The following GIGYF2 variants were observed in gnomAD, a reference collection of about 807,000 sequenced individuals.
The protein encoded by GIGYF2 is GRB10-interacting GYF protein 2.
Under a neutral mutation model 208.1 loss-of-function variants are expected in GIGYF2, and 25 were observed. The observed-to-expected ratio is 0.12, with a 90% CI of 0.09 to 0.17. The LOEUF (loss-of-function observed/expected upper bound fraction) is 0.17, where lower values mean the gene tolerates loss of function less well. GIGYF2 is among the 10% of genes least tolerant of loss of function. GIGYF2 has a pLI of 1.00. For synonymous variants in GIGYF2, 534 were observed against 543.8 expected, an observed-to-expected ratio of 0.98 and a Z score of 0.25; for missense variants, 1,302 against 1,579.4, an observed-to-expected ratio of 0.82 and a Z score of 2.98.
In GIGYF2 at chr2:232,749,641, T is replaced by A. The variant is rs551095794; in HGVS notation, c.267+559T>A. ...CAAAGAAAATAAAAGAGTTTCTGAT[T>A]TCAAGGAACTTATGATAACTGTAGA... On this transcript the variant is annotated intron_variant, in intron 5 of 28. Transcript: ENST00000373563. Among the ~76,000 whole-genome samples, 9 of 152,242 alleles carry A rather than the reference T, an allele frequency of 5.9e-5. No individual in the cohort carries two copies. In the South Asian group the frequency reaches 1.9e-3, roughly 32 times the overall value.
rs769160785 is a variant in GIGYF2 at position 232,771,263 on chromosome 2, C to T, written c.532+9827C>T. ...CGAAGATATGCAAGACCTCTTTGAG[C>T]GCCATCCATTTGAAGTGTGCTGTGG... is the stretch of plus-strand genomic sequence containing the variant. On this transcript the variant is annotated intron_variant, in intron 8 of 28. Transcript: ENST00000373563. The T allele has an allele frequency of 4.4e-6, 7 of 1,607,856 alleles. No homozygotes were observed. Among genetic ancestry groups the T allele is most frequent in the East Asian group, 4.5e-5 (2 of 44,776 alleles).
At chr2:232,716,107 T>C (rs981520547) in intron 2 of GIGYF2, among the ~76,000 whole-genome samples, 1 of 152,210 alleles carries the variant, frequency 6.6e-6, no homozygotes, top group African/African-American at 2.4e-5. Context: ...CAGATGTTAC[T>C]ATAGCTGTCT....
intron 12 of GIGYF2, among the ~76,000 whole-genome samples, chr2:232,791,816 A>G (rs1700077255): frequency 6.6e-6 from 1 of 152,226 alleles, no homozygotes; most frequent in East Asian, 1.9e-4. Context: ...TTAAATTACC[A>G]GATGACACAC....
chr2:232,753,980 A>G (rs1418267247), intron 5 of GIGYF2, among the ~76,000 whole-genome samples: 1 of 152,102 alleles, frequency 6.6e-6, no homozygotes, highest in Non-Finnish European at 1.5e-5. Flanking sequence ...CCTGGCCAAC[A>G]CTGTGAAACC....
intron 28 of GIGYF2, among the ~76,000 whole-genome samples, chr2:232,853,222 G>GA (rs1690427458): frequency 6.6e-6 from 1 of 152,160 alleles, no homozygotes; most frequent in Non-Finnish European, 1.5e-5. Flanking sequence ...CATAAAATGG[G>GA]AAAATGGGAA....
chr2:232,761,658 A>G lies in GIGYF2; in HGVS notation c.532+222A>G, dbSNP rs1428392577. The G allele has an allele frequency of 1.3e-5, 5 of 372,342 alleles. No individual in the cohort carries two copies. In the Admixed American group the frequency reaches 1.7e-4, roughly 13 times the overall value. The allele number at this position is 372,342 out of a possible 1,614,324, so 23.1% of individuals were successfully genotyped here. A position where few individuals can be genotyped will look rare whatever the true frequency, so the allele number is the denominator to read the frequency against. ...AGGCATATATTCTTTATTAAGGCCA[A>G]TTTGTGAACTGAAGACTCAAGTTAG... On this transcript the variant is annotated intron_variant, in intron 8 of 28. Coordinates refer to ENST00000373563, the MANE Select transcript of GIGYF2 (RefSeq NM_001103146.3).
intron 2 of GIGYF2, among the ~76,000 whole-genome samples, chr2:232,710,068 T>G (rs1696316664): frequency 6.6e-6 from 1 of 152,064 alleles, no homozygotes; most frequent in Non-Finnish European, 1.5e-5. Flanking sequence ...CATGCCATTC[T>G]TCTGCCTCAG....
chr2:232,854,990 A>G lies in GIGYF2; in HGVS notation c.3833-1803A>G, dbSNP rs1424362349. ...TAAAGAGGCATTGTTCATCATTTTT[A>G]TCAACCTCCAATTATAGAAGTTTTG... On this transcript the variant is annotated intron_variant, in intron 28 of 28. Coordinates refer to ENST00000373563, the MANE Select transcript of GIGYF2 (RefSeq NM_001103146.3). 2.0e-5 allele frequency among the ~76,000 whole-genome samples: 3 copies of G among 151,916 alleles called. No homozygotes were observed. In the East Asian group the frequency reaches 5.8e-4, roughly 29 times the overall value.
intron 28 of GIGYF2, among the ~76,000 whole-genome samples, chr2:232,855,080 CTTTTTTT>C (rs201395041): frequency 8.2e-5 from 9 of 109,184 alleles, no homozygotes; most frequent in East Asian, 5.4e-4. Flanking sequence ...CTTTTTCTTT[CTTTTTTT>C]TTTTTTTTTT....
chr2:232,697,550 G>T (rs1695650777), intron 1 of GIGYF2, among the ~76,000 whole-genome samples, 158 bp downstream of exon 1: 1 of 152,212 alleles, frequency 6.6e-6, no homozygotes, highest in Non-Finnish European at 1.5e-5. Context: ...GGCCGCTCCG[G>T]CCGGCTTGGG....
chr2:232,843,181 G>GTGTATATA (rs1553538114), intron 23 of GIGYF2: 8 of 146,502 alleles, frequency 5.5e-5, no homozygotes, highest in African/African-American at 2.0e-4. Flanking sequence ...GTGTGTGTGT[G>GTGTATATA]TATAATCTGT....
At chr2:232,782,813 G>A (rs1322809940) in intron 8 of GIGYF2, 2 of 149,268 alleles carry the variant, frequency 1.3e-5, no homozygotes, top group East Asian at 1.9e-4. Flanking sequence ...TTAAAAGCAG[G>A]CAAAGCTAAT....
intron 21 of GIGYF2, among the ~76,000 whole-genome samples, chr2:232,830,372 T>C (rs1036269288): frequency 2.0e-5 from 3 of 152,216 alleles, no homozygotes; most frequent in African/African-American, 7.2e-5. Flanking sequence ...CCAACCATGG[T>C]ACTCTGTCAT....
chr2:232,791,044 A>G lies in GIGYF2; in HGVS notation c.967A>G (p.Met323Val). The G allele has an allele frequency of 6.2e-7, 1 of 1,614,006 alleles. No individual in the cohort carries two copies. Among genetic ancestry groups the G allele is most frequent in the Non-Finnish European group, 8.5e-7 (1 of 1,179,936 alleles). Residue 323 changes from methionine to valine, a missense_variant, in exon 11 of 29, where the codon ATG (methionine) becomes GTG (valine). By Grantham distance (21) the Met-to-Val change is conservative. Transcript: ENST00000373563. ...QKEPIPEEQE[M>V]DFRPVDEGEE... The stretch of plus-strand genomic sequence containing the variant: ...AGAGCCTATTCCAGAAGAGCAGGAG[A>G]TGGACTTCCGGCCTGTGGACGAAGG...
Position 232,844,370 on chromosome 2 carries a change from A to C in GIGYF2, c.3101A>C (p.His1034Pro). The change falls in exon 25 of 29, where the codon CAT (histidine) becomes CCT (proline). Residue 1034 changes from histidine to proline, a missense_variant and splice_region_variant. Coordinates refer to ENST00000373563, the MANE Select transcript of GIGYF2 (RefSeq NM_001103146.3). ...QQPNRARNNTHSNLHTSIGNS... is the reference protein window; with the variant it reads ...QQPNRARNNTPSNLHTSIGNS... ...CATTTTTCTCTTTTTCTTTAACAGC[A>C]TTCCAACCTGCACACCAGCATTGGG... is the stretch of plus-strand genomic sequence containing the variant. The C allele has an allele frequency of 1.9e-6, 3 of 1,613,572 alleles. No individual in the cohort carries two copies. Among genetic ancestry groups the C allele is most frequent in the Non-Finnish European group, 2.5e-6 (3 of 1,179,482 alleles).
At chr2:232,700,866 TAAA>T (rs1206401820) in intron 1 of GIGYF2, among the ~76,000 whole-genome samples, 1 of 152,144 alleles carries the variant, frequency 6.6e-6, no homozygotes, top group Non-Finnish European at 1.5e-5. Flanking sequence ...TAAAATAAGA[TAAA>T]AAAGTCCTAG....
Position 232,820,450 on chromosome 2 carries a change from G to T in GIGYF2, c.2529+465G>T, listed in dbSNP as rs2106395870. On this transcript the variant is annotated intron_variant, in intron 21 of 28. Coordinates refer to ENST00000373563, the MANE Select transcript of GIGYF2 (RefSeq NM_001103146.3). ...CTGCTTTAGCCTCCCAAGTAGCTGGGACTACAGGCGCCTACCACCATGCCT... is the reference window on the plus strand; with the variant it reads ...CTGCTTTAGCCTCCCAAGTAGCTGGTACTACAGGCGCCTACCACCATGCCT... Among the ~76,000 whole-genome samples, 2 of 151,986 alleles carry T rather than the reference G, an allele frequency of 1.3e-5. 1 individual carries two copies. The highest frequency in any genetic ancestry group is 4.2e-4 in the South Asian group (2 of 4,806).
At chr2:232,855,076 C>CTT in intron 28 of GIGYF2, among the ~76,000 whole-genome samples, 1 of 112,480 alleles carries the variant, frequency 8.9e-6, no homozygotes, top group South Asian at 2.6e-4. Flanking sequence ...TTTTCTTTTT[C>CTT]TTTCTTTTTT....
chr2:232,843,457 G>C (rs368683103), intron 23 of GIGYF2, among the ~76,000 whole-genome samples: 2 of 151,800 alleles, frequency 1.3e-5, no homozygotes, highest in Admixed American at 1.3e-4. Flanking sequence ...CAGCTACTCA[G>C]GAGGCCGAGG....
Sources: allele counts gnomAD v4.1 joint callset (sites outside exome capture counted in the v4.1 genomes callset), GRCh38; gene constraint gnomAD v4.1.1; transcripts MANE v1.5; gene names NCBI Gene and HGNC (gene_info 2026-07-23, HGNC 2026-07-21).